Variants in ZNF493 observed in about 807,000 individuals in gnomAD.
The protein encoded by ZNF493 is zinc finger protein 493.
ZNF493 carries 11 observed loss-of-function variants against 12.2 expected under a neutral mutation model. The ratio of observed to expected loss-of-function variants is 0.90; its 90% CI spans 0.57 to 1.50. The LOEUF is 1.50. ZNF493 is among the 40% of genes most tolerant of loss of function. The pLI, the probability that ZNF493 is intolerant of heterozygous loss-of-function variation, is 0.00. For synonymous variants in ZNF493, 286 were observed against 302.6 expected (o/e 0.95, Z 0.57); for missense variants, 950 against 906.6 (o/e 1.05, Z -0.61).
intron 1 of ZNF493, among the ~76,000 whole-genome samples, chr19:21,399,758 A>G (rs902037298): frequency 1.3e-5 from 2 of 152,150 alleles, no homozygotes; most frequent in African/African-American, 4.8e-5. Flanking sequence ...TTCAAGGCTT[A>G]GCTTTTAGAG....
chr19:21,424,113 A>C lies in ZNF493; in HGVS notation c.1454A>C (p.Glu485Ala). The C allele has an allele frequency of 6.2e-7, 1 of 1,609,928 alleles. No homozygotes were observed. Among genetic ancestry groups the C allele is most frequent in the South Asian group, 1.1e-5 (1 of 90,838 alleles). Residue 485 changes from glutamate to alanine, a missense_variant, in exon 4 of 4, where the codon GAA becomes GCA. Transcript: ENST00000392288. ...ACTAAACATAGGATAATTCATACTG[A>C]AGAGAAACCCTACAAATGTGAAGAA... Reference protein sequence around the residue: ...TLTKHRIIHTEEKPYKCEECG... With the variant: ...TLTKHRIIHTAEKPYKCEECG...
chr19:21,405,456 G>T, intron 2 of ZNF493: 1 of 1,397,958 alleles, frequency 7.2e-7, no homozygotes. Flanking sequence ...ACATTTCTGA[G>T]CCGGTCTGTA....
rs141156181 is a variant in ZNF493 at position 21,423,896 on chromosome 19, G to A, written c.1237G>A (p.Ala413Thr). 1.1e-4 allele frequency: 175 copies of A among 1,613,078 alleles called. No individual in the cohort carries two copies. The African/African-American group carries it at 2.2e-3, about 20-fold the overall frequency. Residue 413 changes from alanine to threonine, a missense_variant, in exon 4 of 4, where the codon GCT (alanine) becomes ACT (threonine). Physicochemically the swap from Ala to Thr is moderately conservative, Grantham distance 58 (BLOSUM62 0). Transcript: ENST00000392288. ...KSHRCEECGK[A>T]YKESSHLTTH... ...CCACAGATGTGAAGAATGTGGCAAA[G>A]CTTATAAGGAGTCTTCACACCTTAC...
chr19:21,404,784 C>T (rs1338878583), intron 1 of ZNF493, among the ~76,000 whole-genome samples: 2 of 152,214 alleles, frequency 1.3e-5, no homozygotes, highest in Admixed American at 6.5e-5. Flanking sequence ...TGCCTTCTAA[C>T]TCAACATATC....
intron 3 of ZNF493, among the ~76,000 whole-genome samples, chr19:21,410,549 A>G (rs974852381): frequency 6.6e-6 from 1 of 152,202 alleles, no homozygotes; most frequent in East Asian, 1.9e-4. Flanking sequence ...CTATAAATTA[A>G]TTTAGCTTTA....
At chr19:21,418,607 A>G (rs922745864) in intron 3 of ZNF493, among the ~76,000 whole-genome samples, 7 of 152,152 alleles carry the variant, frequency 4.6e-5, no homozygotes. Flanking sequence ...ACAGAAATAT[A>G]GAGGTGTGAA....
Position 21,423,474 on chromosome 19 carries a change from C to T in ZNF493, c.815C>T (p.Thr272Ile). The T allele has an allele frequency of 1.9e-6, 3 of 1,608,500 alleles. No homozygotes were observed. Among genetic ancestry groups the T allele is most frequent in the Middle Eastern group, 1.7e-4 (1 of 6,026 alleles). ...QKPYKCEECG[T>I]SFYQFSYLTR... ...CCCTACAAATGTGAAGAATGTGGCACATCTTTCTACCAATTCTCATACCTT... is the reference window on the plus strand; with the variant it reads ...CCCTACAAATGTGAAGAATGTGGCATATCTTTCTACCAATTCTCATACCTT... The change falls in exon 4 of 4, where the codon ACA becomes ATA. Residue 272 changes from threonine to isoleucine, a missense_variant. Coordinates refer to ENST00000392288, the MANE Select transcript of ZNF493 (RefSeq NM_001076678.3).
In ZNF493 at chr19:21,424,430, C is replaced by A. The variant is rs1431059631; in HGVS notation, c.1771C>A (p.His591Asn). ...TAGTGTATTCTCAACCCTTACTAAA[C>A]ACAAGATAATTCATACTGATAAGAA... ...SFSVFSTLTKHKIIHTDKKPY... is the reference protein window; with the variant it reads ...SFSVFSTLTKNKIIHTDKKPY... Residue 591 changes from histidine to asparagine, a missense_variant, in exon 4 of 4, where the codon CAC (histidine) becomes AAC (asparagine). By Grantham distance (68) the His-to-Asn change is moderately conservative. Coordinates refer to ENST00000392288, the MANE Select transcript of ZNF493 (RefSeq NM_001076678.3). 1 of 1,613,192 alleles carries A rather than the reference C, an allele frequency of 6.2e-7. No individual in the cohort carries two copies. Among genetic ancestry groups the A allele is most frequent in the African/African-American group, 1.3e-5 (1 of 74,814 alleles).
chr19:21,416,657 CTTGT>C (rs1273116543), intron 3 of ZNF493, among the ~76,000 whole-genome samples: 3 of 152,130 alleles, frequency 2.0e-5, no homozygotes, highest in African/African-American at 7.2e-5. Context: ...GCTACTTTGC[CTTGT>C]TTATTTGTGC....
intron 3 of ZNF493, among the ~76,000 whole-genome samples, chr19:21,410,372 G>T (rs933440989): frequency 6.6e-6 from 1 of 151,852 alleles, no homozygotes; most frequent in African/African-American, 2.4e-5. Context: ...AACATATTTG[G>T]TGTGCTTAAA....
At chr19:21,397,750 T>C in intron 1 of ZNF493, 1 of 253,430 alleles carries the variant, frequency 3.9e-6, no homozygotes, top group Non-Finnish European at 7.5e-6. Flanking sequence ...GGTTTGTAGT[T>C]TGTGGTCTGT....
intron 1 of ZNF493, among the ~76,000 whole-genome samples, chr19:21,402,458 A>G (rs2029980674): frequency 6.6e-6 from 1 of 152,140 alleles, no homozygotes; most frequent in South Asian, 2.1e-4. Context: ...AGACATATTA[A>G]TAGAATGGGC....
intron 3 of ZNF493, among the ~76,000 whole-genome samples, chr19:21,406,524 G>T (rs1599731771): frequency 6.6e-6 from 1 of 152,076 alleles, no homozygotes; most frequent in African/African-American, 2.4e-5. Flanking sequence ...TGTTTTGGGG[G>T]ACACACAAAT....
chr19:21,423,192 G>C lies in ZNF493; in HGVS notation c.533G>C (p.Gly178Ala). The change falls in exon 4 of 4, where the codon GGA becomes GCA. Residue 178 changes from glycine (G) to alanine (A), a missense_variant. Coordinates refer to ENST00000392288, the MANE Select transcript of ZNF493 (RefSeq NM_001076678.3). ...NSNRHNTKHT[G>A]KKPFKCKKCG... is the part of the protein sequence containing the mutation. ...AATAGACATAACACAAAACATACTG[G>C]AAAGAAACCTTTCAAATGTAAAAAA... 2 of 1,613,716 alleles carry C rather than the reference G, an allele frequency of 1.2e-6. No homozygotes were observed. The highest frequency in any genetic ancestry group is 1.7e-6 in the Non-Finnish European group (2 of 1,179,830).
At chr19:21,401,104 A>C (rs943136257) in intron 1 of ZNF493, among the ~76,000 whole-genome samples, 1 of 152,184 alleles carries the variant, frequency 6.6e-6, no homozygotes, top group Non-Finnish European at 1.5e-5. Flanking sequence ...ATACTTAGAT[A>C]ACTCAGTATT....
At chr19:21,403,406 C>T (rs2030011453) in intron 1 of ZNF493, among the ~76,000 whole-genome samples, 1 of 152,200 alleles carries the variant, frequency 6.6e-6, no homozygotes. Flanking sequence ...AGGGCAGGCA[C>T]ATGAAGACAA....
At chr19:21,407,849 A>G (rs961629284) in intron 3 of ZNF493, 6 of 985,354 alleles carry the variant, frequency 6.1e-6, no homozygotes, top group Non-Finnish European at 7.2e-6. Flanking sequence ...TTCCAGTGCT[A>G]TGTTAAAATA....
At chr19:21,420,591 T>TTTTATATATATATATA (rs1491162530) in intron 3 of ZNF493, among the ~76,000 whole-genome samples, 1 of 10,680 alleles carries the variant, frequency 9.4e-5, no homozygotes, top group African/African-American at 4.7e-4. Flanking sequence ...ACTCACTTGA[T>TTTTATATATATATATA]TATATATATA....
chr19:21,397,354 C>A lies in ZNF493; in HGVS notation c.30+87C>A, dbSNP rs768846217. On this transcript the variant is annotated intron_variant, in intron 1 of 3. Coordinates refer to ENST00000392288, the MANE Select transcript of ZNF493 (RefSeq NM_001076678.3). ...GTGGCTGTGGCGGGACTCAGGCCTC[C>A]CCGCAGTCAGCTCCACAATCTGCTC... is the stretch of plus-strand genomic sequence containing the variant. The A allele has an allele frequency of 3.4e-6, 5 of 1,481,766 alleles. No individual in the cohort carries two copies. In the Admixed American group the frequency reaches 8.4e-5, roughly 25 times the overall value. 91.8% of individuals were successfully genotyped at this position (1,481,766 alleles called of 1,614,324 possible).
Sources: allele counts gnomAD v4.1 joint callset (sites outside exome capture counted in the v4.1 genomes callset), GRCh38; gene constraint gnomAD v4.1.1; transcripts MANE v1.5; gene names NCBI Gene and HGNC (gene_info 2026-07-23, HGNC 2026-07-21).